RIOX2: variants seen among roughly 807,000 people sequenced by gnomAD.
RIOX2 encodes the protein 60S ribosomal protein L27a histidine hydroxylase.
A neutral mutation model predicts 51.2 loss-of-function variants in RIOX2; 43 were observed. That is an observed-to-expected ratio of 0.84 (90% CI 0.66 to 1.08). The LOEUF is 1.08. Among genes scored for constraint, RIOX2 ranks in the 50% least tolerant of loss-of-function variants. RIOX2 has a pLI of 0.00. For synonymous variants in RIOX2, 226 were observed against 218.5 expected, an observed-to-expected ratio of 1.03 and a Z score of -0.30; for missense variants, 566 against 561.7, an observed-to-expected ratio of 1.01 and a Z score of -0.08.
Position 97,954,496 on chromosome 3 carries a change from C to A in RIOX2, c.682-1G>T. The A allele has an allele frequency of 1.2e-6, 2 of 1,613,162 alleles. No homozygotes were observed. The highest frequency in any genetic ancestry group is 1.7e-6 in the Non-Finnish European group (2 of 1,179,308). On this transcript the variant is annotated splice_acceptor_variant, in intron 4 of 9. Coordinates refer to ENST00000394198, the MANE Select transcript of RIOX2 (RefSeq NM_153182.4). LOFTEE classifies it high-confidence loss of function. The stretch of plus-strand genomic sequence containing the variant: ...TGGGAAAGTACAACAAATCACCCGG[C>A]TAAAGGAAGGAATAGGAAAGGGTAG...
At chr3:97,948,158 A>G (rs1490571039) in intron 7 of RIOX2, among the ~76,000 whole-genome samples, 4 of 152,168 alleles carry the variant, frequency 2.6e-5, no homozygotes, top group African/African-American at 9.7e-5. Flanking sequence ...AGATTAAACC[A>G]TGTGCTTGTA....
At chr3:97,964,504 C>T (rs969662562) in intron 2 of RIOX2, among the ~76,000 whole-genome samples, 1 of 151,432 alleles carries the variant, frequency 6.6e-6, no homozygotes, top group Non-Finnish European at 1.5e-5. Context: ...GCCTGGCCAA[C>T]ATGGTGAAAC....
Position 97,950,772 on chromosome 3 carries a change from C to T in RIOX2, c.888+14G>A. On this transcript the variant is annotated intron_variant, in intron 6 of 9. Coordinates refer to ENST00000394198, the MANE Select transcript of RIOX2 (RefSeq NM_153182.4). ...AGCTACCATCCTTCATTCCTACCTGCCTTTACTCCTTACCAGGAGCAGCTG... is the reference window on the plus strand; with the variant it reads ...AGCTACCATCCTTCATTCCTACCTGTCTTTACTCCTTACCAGGAGCAGCTG... 1 of 1,608,236 alleles carries T rather than the reference C, an allele frequency of 6.2e-7. No individual in the cohort carries two copies. The highest frequency in any genetic ancestry group is 8.5e-7 in the Non-Finnish European group (1 of 1,174,846).
chr3:97,952,131 G>A (rs754022897), intron 5 of RIOX2: 8 of 1,251,520 alleles, frequency 6.4e-6, no homozygotes, highest in Middle Eastern at 2.2e-4. Flanking sequence ...CAGGTGTTAG[G>A]AAGAGGCCCC....
At chr3:97,954,228 A>T (rs1705370696) in intron 5 of RIOX2, 164 bp downstream of exon 5, 1 of 592,298 alleles carries the variant, frequency 1.7e-6, no homozygotes, top group Admixed American at 2.8e-5. Context: ...GGGACCAGTC[A>T]CATACATGGG....
intron 5 of RIOX2, among the ~76,000 whole-genome samples, chr3:97,951,339 G>A (rs548939773): frequency 6.6e-6 from 1 of 152,276 alleles, no homozygotes; most frequent in African/African-American, 2.4e-5. Flanking sequence ...TCTGGATTGT[G>A]TAATTATTTG....
intron 2 of RIOX2, among the ~76,000 whole-genome samples, chr3:97,964,936 T>C (rs1705825211): frequency 6.6e-6 from 1 of 151,998 alleles, no homozygotes. Flanking sequence ...GGTTACCTCC[T>C]TACTCGTTTT....
At chr3:97,963,558 T>G (rs1009317078) in intron 2 of RIOX2, among the ~76,000 whole-genome samples, 1 of 152,216 alleles carries the variant, frequency 6.6e-6, no homozygotes, top group Non-Finnish European at 1.5e-5. Flanking sequence ...CCTAATCTAT[T>G]TCAGGGAAAG....
chr3:97,972,333 A>G (rs1576025965), intron 1 of RIOX2, 48 bp downstream of exon 1: 1 of 150,608 alleles, frequency 6.6e-6, no homozygotes, highest in Admixed American at 6.6e-5. Flanking sequence ...ATCGGGCACT[A>G]CCCGGCCTGC....
At chr3:97,945,575 A>G in intron 9 of RIOX2, 1 of 607,580 alleles carries the variant, frequency 1.6e-6, no homozygotes, top group Non-Finnish European at 2.9e-6. Flanking sequence ...TACCATTCCT[A>G]TAAGGCTACA....
At chr3:97,953,792 T>A (rs2107155139) in intron 5 of RIOX2, among the ~76,000 whole-genome samples, 1 of 152,290 alleles carries the variant, frequency 6.6e-6, no homozygotes, top group East Asian at 1.9e-4. Flanking sequence ...ATGAACATGA[T>A]TTTAATTGGA....
rs1392974623 is a variant in RIOX2, at chr3:97,943,309, T to C, written c.*1875A>G. 1.6e-5 allele frequency: 25 copies of C among 1,546,080 alleles called. No individual in the cohort carries two copies. Among genetic ancestry groups the C allele is most frequent in the East Asian group, 2.3e-5 (1 of 44,400 alleles). Reference sequence around the variant, plus strand: ...AACACAGAAATGGGACATTGAAATATTGTGAGAGAATCAACATCCCTAGAA... The same window carrying C: ...AACACAGAAATGGGACATTGAAATACTGTGAGAGAATCAACATCCCTAGAA... On this transcript the variant is annotated 3_prime_UTR_variant, in exon 10 of 10. Coordinates refer to ENST00000394198, the MANE Select transcript of RIOX2 (RefSeq NM_153182.4).
At position 97,945,281 on chromosome 3, in the gene RIOX2, G is replaced by A; in HGVS notation, c.1301C>T (p.Pro434Leu). ...LDALKQIWNS[P>L]AISVKDLKLT... ...TTTCAGGTCCTTGACAGAAATAGCT[G>A]GACTATTCCAAATTTGCTTCAGTGC... Residue 434 changes from proline to leucine, a missense_variant, in exon 10 of 10, where the codon CCA (proline) becomes CTA (leucine). Pro to Leu is a moderately conservative substitution (Grantham distance 98). Transcript: ENST00000394198. The A allele has an allele frequency of 6.2e-7, 1 of 1,612,426 alleles. No individual in the cohort carries two copies. The highest frequency in any genetic ancestry group is 1.7e-5 in the Admixed American group (1 of 59,926).
Position 97,954,374 on chromosome 3 carries a change from C to T in RIOX2, c.785+18G>A. 1.3e-6 allele frequency: 2 copies of T among 1,576,750 alleles called. No homozygotes were observed. The highest frequency in any genetic ancestry group is 1.7e-6 in the Non-Finnish European group (2 of 1,146,422). ...CTCAGAGCTGTCCTAGCATGTGCAG[C>T]TGGGAGGCAGTGTTTACTTGTTCTG... On this transcript the variant is annotated intron_variant, in intron 5 of 9. Coordinates refer to ENST00000394198, the MANE Select transcript of RIOX2 (RefSeq NM_153182.4).
intron 5 of RIOX2, chr3:97,951,136 C>A: frequency 2.4e-6 from 1 of 410,852 alleles, no homozygotes; most frequent in Non-Finnish European, 4.4e-6. Flanking sequence ...AGCTAGGCTT[C>A]AATACTGATT....
intron 1 of RIOX2, chr3:97,971,491 G>T (rs913627799): frequency 6.6e-6 from 1 of 152,168 alleles, no homozygotes; most frequent in African/African-American, 2.4e-5. Context: ...TCAGAGATAT[G>T]TTAATCAATC....
chr3:97,962,824 C>T (rs1705738829), intron 2 of RIOX2, among the ~76,000 whole-genome samples: 1 of 152,140 alleles, frequency 6.6e-6, no homozygotes, highest in Non-Finnish European at 1.5e-5. Context: ...AGGCATGAGA[C>T]CATGCAACTA....
chr3:97,947,310 G>C, intron 8 of RIOX2, 51 bp downstream of exon 8: 2 of 1,451,758 alleles, frequency 1.4e-6, no homozygotes, highest in Non-Finnish European at 1.9e-6. Context: ...TGAGGCCTCT[G>C]ATGAAAAACA....
At chr3:97,971,939 G>A (rs1338026463) in intron 1 of RIOX2, 1 of 152,324 alleles carries the variant, frequency 6.6e-6, no homozygotes, top group African/African-American at 2.4e-5. Flanking sequence ...CACAGCTGTA[G>A]AGCGTGTCTC....
Sources: gnomAD v4.1 joint callset for allele counts (sites outside exome capture counted in the v4.1 genomes callset) on GRCh38, gnomAD v4.1.1 for gene constraint, MANE v1.5 for transcripts, NCBI Gene and HGNC (gene_info 2026-07-23, HGNC 2026-07-21) for gene names.